UBR3: variants seen among roughly 807,000 people sequenced by gnomAD.
The protein encoded by UBR3 is ubiquitin protein ligase E3 component n-recognin 3.
Under a neutral mutation model 243.2 loss-of-function variants are expected in UBR3, and 85 were observed. The ratio of observed to expected loss-of-function variants is 0.35; its 90% CI spans 0.29 to 0.42. The LOEUF (loss-of-function observed/expected upper bound fraction) is 0.42, where lower values mean the gene tolerates loss of function less well. Among genes scored for constraint, UBR3 ranks in the 10% least tolerant of loss-of-function variants. The pLI, the probability that UBR3 is intolerant of heterozygous loss-of-function variation, is 1.00. For missense variants in UBR3, 1,686 were observed against 2,300.8 expected, an observed-to-expected ratio of 0.73 and a Z score of 5.47; for synonymous variants, 748 against 799.8, an observed-to-expected ratio of 0.94 and a Z score of 1.09.
At chr2:169,950,999 T>C (rs540977650) in intron 23 of UBR3, among the ~76,000 whole-genome samples, 1 of 152,328 alleles carries the variant, frequency 6.6e-6, no homozygotes, top group Admixed American at 6.5e-5. Flanking sequence ...CTCACTTCTC[T>C]GAGGTTATAA....
intron 1 of UBR3, among the ~76,000 whole-genome samples, chr2:169,836,082 T>G (rs2082104267): frequency 9.0e-6 from 1 of 110,560 alleles, no homozygotes; most frequent in Non-Finnish European, 1.9e-5. Context: ...TTTTTTTTTT[T>G]TTTTTTTTTT....
chr2:169,858,746 C>T (rs887377581), intron 1 of UBR3, among the ~76,000 whole-genome samples: 1 of 152,016 alleles, frequency 6.6e-6, no homozygotes, highest in Non-Finnish European at 1.5e-5. Flanking sequence ...ATTACAGGCA[C>T]CCTCCACCAC....
At chr2:170,019,809 C>G (rs1413153032) in intron 30 of UBR3, among the ~76,000 whole-genome samples, 1 of 152,062 alleles carries the variant, frequency 6.6e-6, no homozygotes, top group Non-Finnish European at 1.5e-5. Context: ...CAGGTTCTCC[C>G]TTTGTCACTC....
rs2083665747 is a variant in UBR3, at chr2:169,877,644, C to T, written c.988+7C>T. 1.3e-6 allele frequency: 2 copies of T among 1,534,214 alleles called. No homozygotes were observed. Among genetic ancestry groups the T allele is most frequent in the Non-Finnish European group, 1.7e-6 (2 of 1,143,192 alleles). On this transcript the variant is annotated splice_region_variant and intron_variant, in intron 4 of 38. Coordinates refer to ENST00000272793, the MANE Select transcript of UBR3 (RefSeq NM_172070.4). Reference sequence around the variant, plus strand: ...AGTTCTCTGGCTGTTCAAGGTTTGTCTAAATATTTAATTTGAACAGTTGTA... The same window carrying T: ...AGTTCTCTGGCTGTTCAAGGTTTGTTTAAATATTTAATTTGAACAGTTGTA...
At chr2:169,964,893 G>A (rs2087737360) in intron 24 of UBR3, 1 of 456,864 alleles carries the variant, frequency 2.2e-6, no homozygotes, top group African/African-American at 2.0e-5. Flanking sequence ...AACAGAGGCA[G>A]TTCACAGAAG....
At chr2:169,989,726 G>A (rs2089191068) in intron 25 of UBR3, among the ~76,000 whole-genome samples, 1 of 152,090 alleles carries the variant, frequency 6.6e-6, no homozygotes, top group Admixed American at 6.6e-5. Context: ...TTGAGATAGT[G>A]GGGTTTAAAA....
chr2:170,025,195 CAA>C (rs1279264888), intron 30 of UBR3, among the ~76,000 whole-genome samples: 7 of 152,106 alleles, frequency 4.6e-5, no homozygotes, highest in Non-Finnish European at 8.8e-5. Context: ...TGTAAAGACA[CAA>C]TTGTCTTCTT....
Position 170,076,405 on chromosome 2 carries a change from T to TCATAA in UBR3, c.5199+2798_5199+2799insCATAA, listed in dbSNP as rs2091811235. Among the ~76,000 whole-genome samples the TCATAA allele has an allele frequency of 4.6e-5, 7 of 152,326 alleles. No homozygotes were observed. In the South Asian group the frequency reaches 1.5e-3, roughly 32 times the overall value. ...ATGATGTAACCATTTTACTTATGAC[T>TCATAA]GCAAATGCATCTGTGACTTTCCCAA... On this transcript the variant is annotated intron_variant, in intron 36 of 38. Coordinates refer to ENST00000272793, the MANE Select transcript of UBR3 (RefSeq NM_172070.4).
chr2:169,858,097 GT>G (rs2082954707), intron 1 of UBR3, among the ~76,000 whole-genome samples: 1 of 152,224 alleles, frequency 6.6e-6, no homozygotes, highest in East Asian at 1.9e-4. Flanking sequence ...TTATCTCATA[GT>G]TTCTATGGGC....
chr2:169,983,287 C>T (rs1322395415), intron 24 of UBR3, among the ~76,000 whole-genome samples: 1 of 127,860 alleles, frequency 7.8e-6, no homozygotes, highest in Admixed American at 8.3e-5. Context: ...GATGGAGTCT[C>T]ACTCATTCTG....
chr2:169,892,214 A>G (rs1574138533), intron 6 of UBR3, among the ~76,000 whole-genome samples: 2 of 152,156 alleles, frequency 1.3e-5, no homozygotes, highest in Admixed American at 6.5e-5. Flanking sequence ...ACATACAGGT[A>G]TGTTCTCCTT....
At chr2:169,981,265 A>G (rs1039972570) in intron 24 of UBR3, among the ~76,000 whole-genome samples, 2 of 152,264 alleles carry the variant, frequency 1.3e-5, no homozygotes, top group Admixed American at 6.5e-5. Flanking sequence ...GAAAGGGGGA[A>G]AAGAGTTATT....
At chr2:170,000,917 A>G (rs2089672073) in intron 26 of UBR3, among the ~76,000 whole-genome samples, 1 of 152,310 alleles carries the variant, frequency 6.6e-6, no homozygotes, top group Non-Finnish European at 1.5e-5. Flanking sequence ...AGAGGAAAGT[A>G]GGCGTTTCAA....
chr2:169,914,151 G>A lies in UBR3; in HGVS notation c.1866+5G>A. 11 of 1,475,462 alleles carry A rather than the reference G, an allele frequency of 7.5e-6. No individual in the cohort carries two copies. Among genetic ancestry groups the A allele is most frequent in the Non-Finnish European group, 9.9e-6 (11 of 1,108,748 alleles). The allele number at this position is 1,475,462 out of a possible 1,614,324, so 91.4% of individuals were successfully genotyped here. ...GCTATTAACTTCGTAGACGAGGTAT[G>A]TATATTTTTGATGTATGTAAATTTT... On this transcript the variant is annotated splice_donor_5th_base_variant and intron_variant, in intron 11 of 38. Coordinates refer to ENST00000272793, the MANE Select transcript of UBR3 (RefSeq NM_172070.4).
intron 30 of UBR3, among the ~76,000 whole-genome samples, chr2:170,016,089 A>T (rs1312497348): frequency 1.6e-5 from 2 of 121,510 alleles, no homozygotes; most frequent in East Asian, 5.6e-4. Context: ...AACACATAAT[A>T]TATTCTTTTG....
intron 31 of UBR3, among the ~76,000 whole-genome samples, chr2:170,032,993 G>A (rs1159417171): frequency 1.3e-5 from 2 of 152,000 alleles, no homozygotes; most frequent in Non-Finnish European, 2.9e-5. Context: ...AGTATTTTGT[G>A]TGTTGTTGCT....
chr2:169,890,573 A>ATATG (rs1553504556), intron 5 of UBR3, among the ~76,000 whole-genome samples: 5 of 103,964 alleles, frequency 4.8e-5, no homozygotes, highest in Admixed American at 2.0e-4. Context: ...ATGTGTATAT[A>ATATG]TATATATGTA....
At chr2:170,057,886 T>A (rs2091371808) in intron 33 of UBR3, among the ~76,000 whole-genome samples, 1 of 152,182 alleles carries the variant, frequency 6.6e-6, no homozygotes, top group Admixed American at 6.5e-5. Context: ...TAGGTTGATT[T>A]ACTACGTTAT....
intron 24 of UBR3, among the ~76,000 whole-genome samples, chr2:169,976,244 C>T (rs1210091478): frequency 2.0e-5 from 3 of 149,736 alleles, no homozygotes; most frequent in Non-Finnish European, 3.0e-5. Context: ...ATCCTTTGTT[C>T]CTTTCTTCCT....
Sources: gnomAD v4.1 joint callset for allele counts (sites outside exome capture counted in the v4.1 genomes callset) on GRCh38, gnomAD v4.1.1 for gene constraint, MANE v1.5 for transcripts, NCBI Gene and HGNC (gene_info 2026-07-23, HGNC 2026-07-21) for gene names.